The following KALRN variants were observed in gnomAD, a reference collection of about 807,000 sequenced individuals.
KALRN encodes kalirin RhoGEF kinase.
A neutral mutation model predicts 353.7 loss-of-function variants in KALRN; 70 were observed. That is an observed-to-expected ratio of 0.20 (90% CI 0.16 to 0.24). KALRN has a LOEUF of 0.24. Ranked by LOEUF, KALRN falls within the 10% of genes least tolerant of loss-of-function variation. KALRN has a pLI of 1.00. For synonymous variants in KALRN, 1,391 were observed against 1,434.8 expected, an observed-to-expected ratio of 0.97 and a Z score of 0.69; for missense variants, 2,791 against 3,756.7, an observed-to-expected ratio of 0.74 and a Z score of 6.72.
chr3:124,190,697 G>T (rs1011680449), intron 1 of KALRN, among the ~76,000 whole-genome samples: 2 of 152,210 alleles, frequency 1.3e-5, no homozygotes, highest in Non-Finnish European at 2.9e-5. Context: ...TCTGTCTGTA[G>T]TTACAGTAGA....
rs1323501499 is a variant in KALRN, at chr3:124,726,210, T to G, written c.*6740T>G. 6.6e-6 allele frequency: 1 copy of G among 152,180 alleles called. No homozygotes were observed. The highest frequency in any genetic ancestry group is 2.4e-5 in the African/African-American group (1 of 41,404). 9.4% of individuals were successfully genotyped at this position (152,180 alleles called of 1,614,324 possible). A position where few individuals can be genotyped will look rare whatever the true frequency, so the allele number is the denominator to read the frequency against. On this transcript the variant is annotated 3_prime_UTR_variant, in exon 60 of 60. Coordinates refer to ENST00000682506, the MANE Select transcript of KALRN (RefSeq NM_001388419.1). The stretch of plus-strand genomic sequence containing the variant: ...ATCACTCATGTGTAATGTTGTAAAG[T>G]GATGACCTGCTGTCTTGTTACTGCT...
At chr3:124,169,271 T>G (rs1483180851) in intron 1 of KALRN, among the ~76,000 whole-genome samples, 1 of 152,100 alleles carries the variant, frequency 6.6e-6, no homozygotes, top group African/African-American at 2.4e-5. Flanking sequence ...GAGTCCATGC[T>G]TAAAGAATGG....
intron 2 of KALRN, among the ~76,000 whole-genome samples, chr3:124,230,129 C>A (rs887893914): frequency 3.3e-5 from 5 of 152,214 alleles, no homozygotes; most frequent in Non-Finnish European, 7.4e-5. Context: ...GCCTGGGCTC[C>A]CAAGGATGTG....
chr3:124,584,934 C>G, intron 34 of KALRN: 1 of 1,562,022 alleles, frequency 6.4e-7, no homozygotes, highest in Non-Finnish European at 8.7e-7. Context: ...GCCTTGGTGC[C>G]TTCTGTTAGC....
intron 1 of KALRN, among the ~76,000 whole-genome samples, chr3:124,166,533 A>G (rs1385144810): frequency 2.0e-5 from 3 of 152,050 alleles, no homozygotes; most frequent in African/African-American, 4.8e-5. Flanking sequence ...TTTTCTTTTT[A>G]TAAGAAAATT....
chr3:124,084,235 G>A (rs1428565290), intron 1 of KALRN, among the ~76,000 whole-genome samples: 1 of 152,210 alleles, frequency 6.6e-6, no homozygotes, highest in African/African-American at 2.4e-5. Flanking sequence ...TAAGGCATTG[G>A]TTCTGCTTTC....
chr3:124,490,912 G>T, intron 30 of KALRN, 28 bp downstream of exon 30: 1 of 1,583,582 alleles, frequency 6.3e-7, no homozygotes, highest in East Asian at 2.2e-5. Context: ...GGTAAGACAA[G>T]ACTCCCTGCT....
intron 6 of KALRN, among the ~76,000 whole-genome samples, chr3:124,317,102 C>A (rs886869480): frequency 5.9e-5 from 9 of 152,138 alleles, no homozygotes; most frequent in African/African-American, 2.2e-4. Flanking sequence ...TCCAAGAGCA[C>A]GTCAAGGGCC....
intron 1 of KALRN, among the ~76,000 whole-genome samples, chr3:124,223,752 TG>T (rs1419355135): frequency 6.6e-6 from 1 of 152,112 alleles, no homozygotes; most frequent in Non-Finnish European, 1.5e-5. Flanking sequence ...CAGACAGGGC[TG>T]GGGGGCTCAA....
chr3:124,590,436 T>G (rs1331833260), intron 34 of KALRN, among the ~76,000 whole-genome samples: 2 of 152,078 alleles, frequency 1.3e-5, no homozygotes, highest in Non-Finnish European at 2.9e-5. Flanking sequence ...TCTGTATCTG[T>G]TTTTTAATGC....
chr3:124,707,961 G>A (rs886555516), intron 57 of KALRN, among the ~76,000 whole-genome samples: 14 of 152,226 alleles, frequency 9.2e-5, no homozygotes, highest in African/African-American at 2.9e-4. Context: ...ACTGGACTAT[G>A]ATGTAAACCA....
At chr3:124,130,385 GA>G (rs1273711201) in intron 1 of KALRN, among the ~76,000 whole-genome samples, 2 of 152,092 alleles carry the variant, frequency 1.3e-5, no homozygotes, top group African/African-American at 4.8e-5. Context: ...AAAATTATTA[GA>G]TTTTTTTTAA....
At chr3:124,210,261 T>A (rs547651073) in intron 1 of KALRN, among the ~76,000 whole-genome samples, 1 of 152,368 alleles carries the variant, frequency 6.6e-6, no homozygotes, top group Non-Finnish European at 1.5e-5. Context: ...CTAGTTCCCA[T>A]ATTTATTGAT....
chr3:124,444,536 G>A (rs1370932534), intron 19 of KALRN, among the ~76,000 whole-genome samples: 4 of 151,964 alleles, frequency 2.6e-5, no homozygotes, highest in Non-Finnish European at 5.9e-5. Flanking sequence ...GGTGGCTCGC[G>A]CCTGTAATCC....
chr3:124,422,908 A>G lies in KALRN; in HGVS notation c.2639A>G (p.Asn880Ser), dbSNP rs2092845495. The change falls in exon 15 of 60, where the codon AAT (asparagine) becomes AGT (serine). Residue 880 changes from asparagine (N) to serine (S), a missense_variant. Transcript: ENST00000682506. ...LHEKQHELEL[N>S]AEQTHKRLEQ... ...GAGAAGCAGCATGAATTGGAGCTCA[A>G]TGCAGAGCAGACTCATAAGCGGCTA... The G allele has an allele frequency of 3.1e-6, 5 of 1,613,922 alleles. No individual in the cohort carries two copies. The South Asian group carries it at 3.3e-5, about 11-fold the overall frequency.
At chr3:124,672,685 A>G (rs145113594) in intron 48 of KALRN, among the ~76,000 whole-genome samples, 89 of 152,352 alleles carry the variant, frequency 5.8e-4, no homozygotes, top group African/African-American at 2.0e-3. Flanking sequence ...CTTAGTCTAC[A>G]CAGCTATTTT....
chr3:124,414,906 G>A (rs904098900), intron 14 of KALRN, among the ~76,000 whole-genome samples: 17 of 152,224 alleles, frequency 1.1e-4, no homozygotes, highest in African/African-American at 3.6e-4. Context: ...TTGTCAGGGG[G>A]ACCTTAGCAG....
At chr3:124,610,073 G>T (rs1373085764) in intron 34 of KALRN, among the ~76,000 whole-genome samples, 1 of 152,156 alleles carries the variant, frequency 6.6e-6, no homozygotes, top group Non-Finnish European at 1.5e-5. Flanking sequence ...TTAGTTCTGT[G>T]CTAAGCACTC....
chr3:124,119,142 C>T (rs1211123248), intron 1 of KALRN, among the ~76,000 whole-genome samples: 1 of 151,240 alleles, frequency 6.6e-6, no homozygotes, highest in Non-Finnish European at 1.5e-5. Context: ...AGATTTGAGA[C>T]CTGCAAGGCG....
Sources: gnomAD v4.1 joint callset for allele counts (sites outside exome capture counted in the v4.1 genomes callset) on GRCh38, gnomAD v4.1.1 for gene constraint, MANE v1.5 for transcripts, NCBI Gene and HGNC (gene_info 2026-07-23, HGNC 2026-07-21) for gene names.